Variants in ARL6IP5 observed in about 807,000 individuals in gnomAD.
The protein encoded by ARL6IP5 is PRA1 family protein 3.
In ARL6IP5, 6 loss-of-function variants were observed where a neutral mutation model predicts 13.0. The ratio of observed to expected loss-of-function variants is 0.46; its 90% CI spans 0.25 to 0.91. ARL6IP5 has a LOEUF of 0.91. Among genes scored for constraint, ARL6IP5 ranks in the 40% least tolerant of loss-of-function variants. The pLI is 0.17. For synonymous variants in ARL6IP5, 91 were observed against 91.9 expected (o/e 0.99, Z 0.06); for missense variants, 208 against 248.8 (o/e 0.84, Z 1.10).
At position 69,105,043 on chromosome 3, in the gene ARL6IP5, G is replaced by A. The variant is rs765883756; in HGVS notation, c.*407G>A. ...AGGCTGTTAAAGTAGATGACATCAT[G>A]TGTTAGCCTGTTCCTAATCCCCTAG... On this transcript the variant is annotated 3_prime_UTR_variant, in exon 3 of 3. Coordinates refer to ENST00000273258, the MANE Select transcript of ARL6IP5 (RefSeq NM_006407.4). The A allele has an allele frequency of 1.3e-5, 8 of 601,754 alleles. No individual in the cohort carries two copies. The highest frequency in any genetic ancestry group is 2.1e-5 in the Non-Finnish European group (7 of 341,354). The allele number at this position is 601,754 out of a possible 1,614,324, so 37.3% of individuals were successfully genotyped here.
chr3:69,102,090 A>C, intron 2 of ARL6IP5, 34 bp downstream of exon 2: 1 of 1,594,080 alleles, frequency 6.3e-7, no homozygotes, highest in Non-Finnish European at 8.6e-7. Flanking sequence ...TCCATCATCA[A>C]AAAAATGTAG....
At chr3:69,091,865 A>G (rs964077972) in intron 1 of ARL6IP5, among the ~76,000 whole-genome samples, 11 of 152,106 alleles carry the variant, frequency 7.2e-5, no homozygotes, top group African/African-American at 2.7e-4. Flanking sequence ...ATCCAGTTCA[A>G]AAAGGTCAAG....
intron 1 of ARL6IP5, among the ~76,000 whole-genome samples, chr3:69,087,940 TTTTC>T (rs1235408862): frequency 3.9e-5 from 6 of 152,206 alleles, no homozygotes; most frequent in South Asian, 4.1e-4. Context: ...AGTTGTTCTC[TTTTC>T]TTTCTTTATC....
chr3:69,103,418 T>G (rs1421144453), intron 2 of ARL6IP5, among the ~76,000 whole-genome samples: 5 of 152,196 alleles, frequency 3.3e-5, no homozygotes. Context: ...ATTAGATAAG[T>G]GATTCCCAAA....
chr3:69,093,562 A>C (rs564480183), intron 1 of ARL6IP5, among the ~76,000 whole-genome samples: 2 of 152,234 alleles, frequency 1.3e-5, no homozygotes, highest in East Asian at 3.9e-4. Context: ...CAGGAGTTCG[A>C]GACCAGCCTG....
In ARL6IP5 at chr3:69,084,976, C is replaced by T; in HGVS notation, c.-72C>T. ...GACGGAGCCGCTGTCAACTCTCCAA[C>T]TCAGCTCAGCTGATCGGTTGCCGCC... On this transcript the variant is annotated 5_prime_UTR_variant, in exon 1 of 3. Transcript: ENST00000273258. 6.4e-7 allele frequency: 1 copy of T among 1,564,272 alleles called. No homozygotes were observed. The highest frequency in any genetic ancestry group is 8.7e-7 in the Non-Finnish European group (1 of 1,155,066).
At chr3:69,089,097 A>G (rs1358799831) in intron 1 of ARL6IP5, among the ~76,000 whole-genome samples, 1 of 152,226 alleles carries the variant, frequency 6.6e-6, no homozygotes, top group Non-Finnish European at 1.5e-5. Flanking sequence ...ATTTTAACAA[A>G]AGTCTCAGAT....
At chr3:69,092,768 C>T (rs1465685091) in intron 1 of ARL6IP5, among the ~76,000 whole-genome samples, 3 of 151,684 alleles carry the variant, frequency 2.0e-5, no homozygotes, top group Non-Finnish European at 2.9e-5. Flanking sequence ...TATCCCCCCA[C>T]CTCAGCCTCC....
Position 69,085,115 on chromosome 3 carries a change from G to A in ARL6IP5, c.68G>A (p.Arg23Gln), listed in dbSNP as rs1364618205. 1.9e-6 allele frequency: 3 copies of A among 1,614,084 alleles called. No individual in the cohort carries two copies. Among genetic ancestry groups the A allele is most frequent in the African/African-American group, 1.3e-5 (1 of 74,928 alleles). Residue 23 changes from arginine to glutamine, a missense_variant, in exon 1 of 3, where the codon CGG becomes CAG. Transcript: ENST00000273258. The part of the protein sequence containing the change: ...DFFPGSDRFA[R>Q]PDFRDISKWN... ...TTCCCGGGTTCCGATCGCTTTGCCC[G>A]GCCGGACTTCAGGGACATTTCCAAA...
chr3:69,104,405 A>G, intron 2 of ARL6IP5, 59 bp from the exon 3 acceptor site: 2 of 1,520,644 alleles, frequency 1.3e-6, no homozygotes, highest in South Asian at 2.4e-5. Context: ...GGAGTGTAAT[A>G]TTGATATGGC....
chr3:69,101,863 C>G lies in ARL6IP5; in HGVS notation c.201C>G (p.Ile67Met), dbSNP rs112426564. The G allele has an allele frequency of 4.3e-6, 7 of 1,613,746 alleles. No individual in the cohort carries two copies. The South Asian group carries it at 7.7e-5, about 18-fold the overall frequency. Residue 67 changes from isoleucine to methionine, a missense_variant, in exon 2 of 3, where the codon ATC (isoleucine) becomes ATG (methionine). Physicochemically the swap from Ile to Met is conservative, Grantham distance 10 (BLOSUM62 1). Coordinates refer to ENST00000273258, the MANE Select transcript of ARL6IP5 (RefSeq NM_006407.4). ...IVGFLSPFNM[I>M]LGGIVVVLVF... ...GGTTTCTGAGTCCCTTCAACATGAT[C>G]CTGGGAGGAATCGTGGTGGTGCTGG...
intron 1 of ARL6IP5, among the ~76,000 whole-genome samples, chr3:69,095,286 A>G (rs939422046): frequency 5.9e-5 from 9 of 152,322 alleles, no homozygotes; most frequent in Non-Finnish European, 5.9e-5. Context: ...ATAACCATAA[A>G]TGACTGCTCT....
chr3:69,090,963 G>A (rs750775511), intron 1 of ARL6IP5, among the ~76,000 whole-genome samples: 3 of 152,280 alleles, frequency 2.0e-5, no homozygotes, highest in Non-Finnish European at 2.9e-5. Context: ...TTGGGAGGCC[G>A]AGGCGGGTAG....
intron 1 of ARL6IP5, 47 bp from the exon 2 acceptor site, chr3:69,101,792 C>G (rs1390801094): frequency 2.0e-6 from 3 of 1,496,598 alleles, no homozygotes; most frequent in African/African-American, 1.4e-5. Flanking sequence ...TTTGCTACTT[C>G]TATTGCTGAA....
intron 1 of ARL6IP5, among the ~76,000 whole-genome samples, chr3:69,093,159 T>A (rs2092274992): frequency 6.6e-6 from 1 of 152,118 alleles, no homozygotes; most frequent in Non-Finnish European, 1.5e-5. Flanking sequence ...CAAAAGAAAA[T>A]CTGGAGGTTC....
At chr3:69,104,078 A>G (rs977145244) in intron 2 of ARL6IP5, among the ~76,000 whole-genome samples, 1 of 152,188 alleles carries the variant, frequency 6.6e-6, no homozygotes, top group African/African-American at 2.4e-5. Flanking sequence ...GAATCGAGCA[A>G]GAGTTCTTTT....
At chr3:69,103,183 T>C (rs1260296298) in intron 2 of ARL6IP5, among the ~76,000 whole-genome samples, 1 of 152,226 alleles carries the variant, frequency 6.6e-6, no homozygotes, top group Non-Finnish European at 1.5e-5. Flanking sequence ...AGGTTTTCTG[T>C]AGGTGCTTAA....
At chr3:69,086,911 C>T (rs1436796681) in intron 1 of ARL6IP5, among the ~76,000 whole-genome samples, 2 of 152,016 alleles carry the variant, frequency 1.3e-5, no homozygotes, top group Non-Finnish European at 2.9e-5. Flanking sequence ...TTAGTAGAGA[C>T]AAGGTTTCAC....
At chr3:69,097,170 T>G (rs1251477183) in intron 1 of ARL6IP5, among the ~76,000 whole-genome samples, 1 of 152,100 alleles carries the variant, frequency 6.6e-6, no homozygotes, top group Admixed American at 6.6e-5. Context: ...ATCTTTTTAT[T>G]TTTTAATTGA....
Sources: gnomAD v4.1 joint callset for allele counts (sites outside exome capture counted in the v4.1 genomes callset) on GRCh38, gnomAD v4.1.1 for gene constraint, MANE v1.5 for transcripts, NCBI Gene and HGNC (gene_info 2026-07-23, HGNC 2026-07-21) for gene names.